The following AKR1D1 variants were observed in gnomAD, a reference collection of about 807,000 sequenced individuals.
AKR1D1 encodes the protein aldo-keto reductase family 1 member D1.
AKR1D1 carries 32 observed loss-of-function variants against 42.6 expected under a neutral mutation model. The ratio of observed to expected loss-of-function variants is 0.75; its 90% CI spans 0.57 to 1.01. AKR1D1 has a LOEUF of 1.01. Ranked by LOEUF, AKR1D1 falls within the 50% of genes least tolerant of loss-of-function variation. The probability of loss-of-function intolerance (pLI) is 0.00; values close to 1 mark genes in which losing one functional copy is unlikely to be tolerated. For missense variants in AKR1D1, 364 were observed against 402.2 expected (o/e 0.91, Z 0.81); for synonymous variants, 123 against 135.5 (o/e 0.91, Z 0.64).
intron 2 of AKR1D1, 32 bp downstream of exon 2, chr7:138,088,800 C>A (rs1793996971): frequency 6.4e-7 from 1 of 1,564,826 alleles, no homozygotes. Flanking sequence ...CCACTGGGGA[C>A]AGTGAGAAGG....
At chr7:138,101,292 C>T (rs13223644) in intron 4 of AKR1D1, among the ~76,000 whole-genome samples, 89,900 of 150,914 alleles carry the variant, frequency 0.6, 26,873 homozygotes, top group Middle Eastern at 0.63. Context: ...CTCCGCCTCT[C>T]GGGTTCAATC....
intron 3 of AKR1D1, among the ~76,000 whole-genome samples, chr7:138,092,238 T>C (rs75638567): frequency 0.012 from 1,828 of 152,334 alleles, 38 homozygotes; most frequent in African/African-American, 0.042. Flanking sequence ...TTTACAACTA[T>C]AGTTTAAGCT....
Position 138,088,664 on chromosome 7 carries a change from G to A in AKR1D1, c.157G>A (p.Asp53Asn), listed in dbSNP as rs766798731. The A allele has an allele frequency of 4.3e-6, 7 of 1,614,086 alleles. No individual in the cohort carries two copies. In the South Asian group the frequency reaches 7.7e-5, roughly 18 times the overall value. ...TATTGACACAGGGTACCGACATATT[G>A]ATGGGGCCTACATCTACCAAAATGA... The part of the protein sequence containing the change: ...VAIDTGYRHI[D>N]GAYIYQNEHE... Residue 53 changes from aspartate (D) to asparagine (N), a missense_variant, in exon 2 of 9, where the codon GAT (aspartate) becomes AAT (asparagine). Coordinates refer to ENST00000242375, the MANE Select transcript of AKR1D1 (RefSeq NM_005989.4).
At position 138,116,744 on chromosome 7, in the gene AKR1D1, A is replaced by G; in HGVS notation, c.*82A>G. 7.8e-7 allele frequency: 1 copy of G among 1,277,998 alleles called. No homozygotes were observed. The highest frequency in any genetic ancestry group is 1.1e-6 in the Non-Finnish European group (1 of 880,236). 79.2% of individuals were successfully genotyped at this position (1,277,998 alleles called of 1,614,324 possible). ...GGGTAGTCCCCTAGATGTGAAAATG[A>G]AGAGAGAGGGTTTTACCATCCTGAG... On this transcript the variant is annotated 3_prime_UTR_variant, in exon 9 of 9. Transcript: ENST00000242375.
At chr7:138,089,446 A>C (rs1291364517) in intron 2 of AKR1D1, among the ~76,000 whole-genome samples, 1 of 152,062 alleles carries the variant, frequency 6.6e-6, no homozygotes, top group Non-Finnish European at 1.5e-5. Context: ...AAAAAAAAAA[A>C]AAAACAAGCT....
chr7:138,113,930 A>C (rs149745568), intron 8 of AKR1D1, among the ~76,000 whole-genome samples, 158 bp downstream of exon 8: 1 of 152,150 alleles, frequency 6.6e-6, no homozygotes, highest in East Asian at 1.9e-4. Context: ...AGGGAAATAC[A>C]TCCACTACAG....
intron 1 of AKR1D1, among the ~76,000 whole-genome samples, chr7:138,083,139 G>A (rs1485070229): frequency 1.3e-5 from 2 of 152,092 alleles, no homozygotes; most frequent in Non-Finnish European, 2.9e-5. Flanking sequence ...CACAGTAGCT[G>A]CACCATTTTA....
At chr7:138,096,157 A>ATTTCC (rs1794179356) in intron 3 of AKR1D1, among the ~76,000 whole-genome samples, 1 of 152,032 alleles carries the variant, frequency 6.6e-6, no homozygotes, top group Admixed American at 6.6e-5. Context: ...AGTGAGCCAT[A>ATTTCC]ATCATGCCAC....
At chr7:138,103,985 A>T (rs1794367682) in intron 4 of AKR1D1, among the ~76,000 whole-genome samples, 1 of 152,062 alleles carries the variant, frequency 6.6e-6, no homozygotes, top group Non-Finnish European at 1.5e-5. Flanking sequence ...TATTTTAAAA[A>T]CAAAATTTAG....
At chr7:138,086,397 A>G (rs1803180172) in intron 1 of AKR1D1, among the ~76,000 whole-genome samples, 1 of 152,080 alleles carries the variant, frequency 6.6e-6, no homozygotes, top group Admixed American at 6.5e-5. Flanking sequence ...CCTATTAATC[A>G]TGTTGTTATT....
intron 1 of AKR1D1, among the ~76,000 whole-genome samples, chr7:138,079,312 G>T (rs1803005257): frequency 6.6e-6 from 1 of 152,154 alleles, no homozygotes; most frequent in Non-Finnish European, 1.5e-5. Context: ...GGGACCAGGG[G>T]CCAGGCAGAA....
chr7:138,085,605 T>C (rs1203484630), intron 1 of AKR1D1, among the ~76,000 whole-genome samples: 1 of 151,934 alleles, frequency 6.6e-6, no homozygotes, highest in African/African-American at 2.4e-5. Flanking sequence ...CCACCACGCC[T>C]GGCTACATTT....
In AKR1D1 at chr7:138,088,728, A is replaced by G. The variant is rs746617996; in HGVS notation, c.221A>G (p.Glu74Gly). 3 of 1,611,974 alleles carry G rather than the reference A, an allele frequency of 1.9e-6. No homozygotes were observed. Among genetic ancestry groups the G allele is most frequent in the Non-Finnish European group, 2.5e-6 (3 of 1,179,046 alleles). Residue 74 changes from glutamate to glycine, a missense_variant, in exon 2 of 9, where the codon GAA (glutamate) becomes GGA (glycine). By Grantham distance (98) the Glu-to-Gly change is moderately conservative (BLOSUM62 -2). Coordinates refer to ENST00000242375, the MANE Select transcript of AKR1D1 (RefSeq NM_005989.4). The stretch of plus-strand genomic sequence containing the variant: ...GAGGCCATCAGGGAGAAGATAGCAG[A>G]AGGAAAGGTGCGGAGGGAAGATATC... ...VGEAIREKIA[E>G]GKVRREDIFY...
intron 7 of AKR1D1, among the ~76,000 whole-genome samples, chr7:138,107,876 G>A (rs1341920717): frequency 6.6e-6 from 1 of 151,662 alleles, no homozygotes; most frequent in South Asian, 2.1e-4. Flanking sequence ...TAGAGATAGG[G>A]TCTTGCTATA....
chr7:138,085,054 C>CAAAAAAAA lies in AKR1D1; in HGVS notation c.94-3532_94-3525dup, dbSNP rs58253168. On this transcript the variant is annotated intron_variant, in intron 1 of 8. Coordinates refer to ENST00000242375, the MANE Select transcript of AKR1D1 (RefSeq NM_005989.4). ...CTGGTGACAGAGTGAGACTCCGTCT[C>CAAAAAAAA]AAAAAAAAAAAAAAAAAAAAAAGAA... 2.3e-3 allele frequency among the ~76,000 whole-genome samples: 166 copies of CAAAAAAAA among 70,830 alleles called. 6 individuals carry two copies. The highest frequency in any genetic ancestry group is 0.011 in the Middle Eastern group (1 of 92). 46.5% of individuals were successfully genotyped at this position (70,830 alleles called of 152,430 possible).
At position 138,117,199 on chromosome 7, in the gene AKR1D1, T is replaced by C. The variant is rs117215714; in HGVS notation, c.*537T>C. The C allele has an allele frequency of 3.5e-3, 547 of 154,212 alleles. 3 individuals carry two copies. The highest frequency in any genetic ancestry group is 5.9e-3 in the Non-Finnish European group (408 of 69,010). 9.6% of individuals were successfully genotyped at this position (154,212 alleles called of 1,614,324 possible). On this transcript the variant is annotated 3_prime_UTR_variant, in exon 9 of 9. Coordinates refer to ENST00000242375, the MANE Select transcript of AKR1D1 (RefSeq NM_005989.4). ...ATGTAGAAAAGTCTTAAAATAGAGC[T>C]AAACACCACAGTGGTCAACAAAGCC...
intron 6 of AKR1D1, 55 bp downstream of exon 6, chr7:138,106,772 A>G: frequency 7.4e-7 from 1 of 1,344,064 alleles, no homozygotes; most frequent in South Asian, 1.2e-5. Context: ...GGCTCATGTG[A>G]ACTACTGTAT....
At position 138,088,720 on chromosome 7, in the gene AKR1D1, G is replaced by A; in HGVS notation, c.213G>A (p.Lys71=). The A allele has an allele frequency of 6.2e-7, 1 of 1,612,822 alleles. No individual in the cohort carries two copies. The highest frequency in any genetic ancestry group is 8.5e-7 in the Non-Finnish European group (1 of 1,179,466). Residue 71 remains lysine (K), a synonymous_variant, in exon 2 of 9, where the codon AAG becomes AAA. Transcript: ENST00000242375. The part of the protein sequence containing the change: ...EHEVGEAIRE[K]IAEGKVRRED... ...AAGTTGGGGAGGCCATCAGGGAGAA[G>A]ATAGCAGAAGGAAAGGTGCGGAGGG...
intron 8 of AKR1D1, among the ~76,000 whole-genome samples, chr7:138,115,560 G>GA (rs915246329): frequency 2.3e-4 from 34 of 150,578 alleles, no homozygotes; most frequent in Non-Finnish European, 4.6e-4. Context: ...CAACTTCGGG[G>GA]AAAAAAAAAT....
Sources: allele counts gnomAD v4.1 joint callset (sites outside exome capture counted in the v4.1 genomes callset), GRCh38; gene constraint gnomAD v4.1.1; transcripts MANE v1.5; gene names NCBI Gene and HGNC (gene_info 2026-07-23, HGNC 2026-07-21).